Variants in LINC00237 observed in about 807,000 individuals in gnomAD.
LINC00237 encodes the protein long intergenic non-protein coding RNA 237.
At chr20:21,093,388 C>T (rs1466798406) in intron 2 of LINC00237, 1 of 152,190 alleles carries the variant, frequency 6.6e-6, no homozygotes, top group Non-Finnish European at 1.5e-5. Flanking sequence ...TCTTGTCAAT[C>T]TTTGGCTCTT....
intron 2 of LINC00237, among the ~76,000 whole-genome samples, chr20:21,089,056 A>G (rs1012088461): frequency 6.6e-6 from 1 of 151,840 alleles, no homozygotes; most frequent in Non-Finnish European, 1.5e-5. Context: ...GTCAGAATGG[A>G]GCAACATTGT....
intron 2 of LINC00237, among the ~76,000 whole-genome samples, chr20:21,091,046 C>CGTGTGTGTGTGTGCGTGTGTGTGTGT: frequency 6.7e-6 from 1 of 150,256 alleles, no homozygotes; most frequent in South Asian, 2.1e-4. Flanking sequence ...TGTAAATGTG[C>CGTGTGTGTGTGTGCGTGTGTGTGTGT]GTGTGTGTGT....
intron 1 of LINC00237, among the ~76,000 whole-genome samples, chr20:21,102,352 A>G (rs1342433102): frequency 6.6e-6 from 1 of 152,072 alleles, no homozygotes; most frequent in Non-Finnish European, 1.5e-5. Flanking sequence ...CGTGTCTGGA[A>G]CCTTCCCTCT....
At chr20:21,105,750 T>TA (rs1568887931) in intron 1 of LINC00237, among the ~76,000 whole-genome samples, 2 of 152,282 alleles carry the variant, frequency 1.3e-5, no homozygotes, top group East Asian at 3.9e-4. Context: ...ACTCTGCGCC[T>TA]AGAGTTTTGC....
At chr20:21,105,603 G>A (rs1411754192) in intron 1 of LINC00237, among the ~76,000 whole-genome samples, 1 of 152,182 alleles carries the variant, frequency 6.6e-6, no homozygotes, top group Non-Finnish European at 1.5e-5. Context: ...TTCTTCCAGG[G>A]GAAGGAGTGG....
intron 1 of LINC00237, among the ~76,000 whole-genome samples, chr20:21,104,680 A>G (rs898435511): frequency 1.3e-5 from 2 of 152,086 alleles, no homozygotes; most frequent in Non-Finnish European, 2.9e-5. Flanking sequence ...TGTTCCAAAT[A>G]TCCTGGAATT....
At chr20:21,086,607 G>GTATAC (rs1212457291) in intron 3 of LINC00237, among the ~76,000 whole-genome samples, 3 of 46,902 alleles carry the variant, frequency 6.4e-5, no homozygotes, top group African/African-American at 2.0e-4. Flanking sequence ...GTATATATAT[G>GTATAC]TATATATAGT....
At chr20:21,100,466 G>A (rs1240267517) in intron 1 of LINC00237, among the ~76,000 whole-genome samples, 2 of 152,276 alleles carry the variant, frequency 1.3e-5, no homozygotes, top group Non-Finnish European at 2.9e-5. Flanking sequence ...GGGGCCCGGC[G>A]TGGAAGCGCC....
At chr20:21,098,146 A>G (rs1381924494) in intron 1 of LINC00237, among the ~76,000 whole-genome samples, 2 of 152,262 alleles carry the variant, frequency 1.3e-5, no homozygotes, top group Non-Finnish European at 2.9e-5. Context: ...AAGAAACTGA[A>G]TATGTTGGTG....
At chr20:21,096,985 A>G (rs1165477941) in intron 1 of LINC00237, among the ~76,000 whole-genome samples, 1 of 152,172 alleles carries the variant, frequency 6.6e-6, no homozygotes, top group Non-Finnish European at 1.5e-5. Context: ...ACAAATCAAC[A>G]ATGATGGGAA....
At chr20:21,097,411 T>G (rs2030873422) in intron 1 of LINC00237, among the ~76,000 whole-genome samples, 1 of 152,134 alleles carries the variant, frequency 6.6e-6, no homozygotes, top group African/African-American at 2.4e-5. Flanking sequence ...GCAAATGAAT[T>G]GTTTATTGGA....
At chr20:21,093,108 A>T (rs142535617) in intron 2 of LINC00237, 1 of 152,234 alleles carries the variant, frequency 6.6e-6, no homozygotes, top group Non-Finnish European at 1.5e-5. Flanking sequence ...AGAATCCTGT[A>T]AAGCACCCTT....
intron 1 of LINC00237, among the ~76,000 whole-genome samples, chr20:21,105,287 G>T (rs1463281978): frequency 2.1e-5 from 2 of 96,772 alleles, no homozygotes; most frequent in Admixed American, 1.1e-4. Flanking sequence ...CCCGTCCCCC[G>T]CCCCCCACCC....
chr20:21,093,329 G>A (rs1000243889), intron 2 of LINC00237: 1 of 152,150 alleles, frequency 6.6e-6, no homozygotes, highest in Non-Finnish European at 1.5e-5. Context: ...GAACATATTC[G>A]GGGAGCTGTA....
At chr20:21,102,988 G>T (rs2030953243) in intron 1 of LINC00237, among the ~76,000 whole-genome samples, 1 of 152,222 alleles carries the variant, frequency 6.6e-6, no homozygotes, top group Admixed American at 6.5e-5. Flanking sequence ...CTGACTCCCG[G>T]CTTGGCGCCT....
At chr20:21,088,201 A>G (rs986003609) in intron 2 of LINC00237, among the ~76,000 whole-genome samples, 2 of 152,126 alleles carry the variant, frequency 1.3e-5, no homozygotes, top group Non-Finnish European at 2.9e-5. Context: ...CGCAGTCACT[A>G]TAGGACCGTG....
chr20:21,099,633 GA>G (rs1468682123), intron 1 of LINC00237, among the ~76,000 whole-genome samples: 58 of 152,250 alleles, frequency 3.8e-4, no homozygotes, highest in African/African-American at 1.3e-3. Context: ...ACGACCTGCT[GA>G]CACCCTGATG....
chr20:21,103,816 G>T (rs974313121), intron 1 of LINC00237, among the ~76,000 whole-genome samples: 1 of 152,184 alleles, frequency 6.6e-6, no homozygotes, highest in Non-Finnish European at 1.5e-5. Flanking sequence ...GTCACTGATC[G>T]ACTCATCTTG....
chr20:21,096,775 A>C (rs534147569), intron 1 of LINC00237, among the ~76,000 whole-genome samples: 1 of 152,326 alleles, frequency 6.6e-6, no homozygotes, highest in African/African-American at 2.4e-5. Flanking sequence ...AAGCCGTTGG[A>C]GGCCCTCTCA....
Sources: gnomAD v4.1 joint callset for allele counts (sites outside exome capture counted in the v4.1 genomes callset) on GRCh38, gnomAD v4.1.1 for gene constraint, MANE v1.5 for transcripts, NCBI Gene and HGNC (gene_info 2026-07-23, HGNC 2026-07-21) for gene names.